GRM7: variants seen among roughly 807,000 people sequenced by gnomAD.
The protein encoded by GRM7 is metabotropic glutamate receptor 7.
GRM7 carries 35 observed loss-of-function variants against 84.5 expected under a neutral mutation model. The ratio of observed to expected loss-of-function variants is 0.41; its 90% CI spans 0.32 to 0.55. The LOEUF is 0.55. Ranked by LOEUF, GRM7 falls within the 20% of genes least tolerant of loss-of-function variation. The pLI, the probability that GRM7 is intolerant of heterozygous loss-of-function variation, is 0.19. For missense variants in GRM7, 1,003 were observed against 1,194.6 expected (o/e 0.84, Z 2.36); for synonymous variants, 487 against 455.1 (o/e 1.07, Z -0.89).
intron 2 of GRM7, among the ~76,000 whole-genome samples, chr3:7,193,929 A>G (rs188557743): frequency 9.9e-4 from 151 of 152,244 alleles, no homozygotes; most frequent in Middle Eastern, 6.8e-3. Flanking sequence ...AGAGCTGACA[A>G]CAGATATCTT....
chr3:7,019,400 TAC>T (rs1183152519), intron 1 of GRM7, among the ~76,000 whole-genome samples: 1 of 152,210 alleles, frequency 6.6e-6, no homozygotes, highest in African/African-American at 2.4e-5. Flanking sequence ...TATAGTCTCA[TAC>T]AGAGTATTTT....
At chr3:7,693,168 T>C (rs1215010173) in intron 9 of GRM7, among the ~76,000 whole-genome samples, 1 of 152,198 alleles carries the variant, frequency 6.6e-6, no homozygotes, top group Non-Finnish European at 1.5e-5. Context: ...TGACATCTAC[T>C]GGTCATCCTG....
rs79610369 is a variant in GRM7 at position 7,353,374 on chromosome 3, G to A, written c.1033+46722G>A. On this transcript the variant is annotated intron_variant, in intron 4 of 9. Transcript: ENST00000357716. ...GTGGAAGGAACAAAAGTTGGATCAG[G>A]CTAAATGTATTGATATGGGCCCACT... Among the ~76,000 whole-genome samples, 353 of 152,178 alleles carry A rather than the reference G, an allele frequency of 2.3e-3. 4 individuals are homozygous for A. Among genetic ancestry groups the A allele is most frequent in the African/African-American group, 8.1e-3 (337 of 41,536 alleles).
intron 1 of GRM7, among the ~76,000 whole-genome samples, chr3:6,907,365 A>G (rs539464933): frequency 6.6e-6 from 1 of 152,354 alleles, no homozygotes; most frequent in South Asian, 2.1e-4. Context: ...GGTTTGAAAA[A>G]GTACCGTGGA....
intron 4 of GRM7, among the ~76,000 whole-genome samples, chr3:7,385,761 A>G (rs1244320611): frequency 1.3e-5 from 2 of 152,236 alleles, no homozygotes; most frequent in Admixed American, 1.3e-4. Flanking sequence ...ATTGCAAGAC[A>G]TGAATAAAGA....
intron 5 of GRM7, among the ~76,000 whole-genome samples, chr3:7,449,980 A>G (rs1265130031): frequency 6.6e-6 from 1 of 152,136 alleles, no homozygotes; most frequent in Non-Finnish European, 1.5e-5. Context: ...AAATGAATAA[A>G]TTTTTATTTG....
chr3:7,272,647 T>C (rs543450511), intron 2 of GRM7, among the ~76,000 whole-genome samples: 30 of 152,286 alleles, frequency 2.0e-4, no homozygotes, highest in African/African-American at 6.0e-4. Context: ...GAGTTGTTCA[T>C]AGAATTTCTC....
rs1032514837 is a variant in GRM7 at position 7,131,993 on chromosome 3, A to T, written c.520-14459A>T. 3.3e-5 allele frequency among the ~76,000 whole-genome samples: 5 copies of T among 152,166 alleles called. 1 individual carries two copies. The highest frequency in any genetic ancestry group is 6.5e-5 in the Admixed American group (1 of 15,280). On this transcript the variant is annotated intron_variant, in intron 1 of 9. Coordinates refer to ENST00000357716, the MANE Select transcript of GRM7 (RefSeq NM_000844.4). ...AGGACACCTACTTCATTACTTTTTG[A>T]ATTTGCTTTTACCATTTCTCTTCAT...
intron 8 of GRM7, among the ~76,000 whole-genome samples, chr3:7,630,332 C>T (rs7615889): frequency 1.3e-3 from 203 of 152,230 alleles, no homozygotes; most frequent in African/African-American, 4.7e-3. Context: ...ACAAGCATGA[C>T]GAAAGAATCA....
chr3:7,339,350 C>A (rs1701548204), intron 4 of GRM7, among the ~76,000 whole-genome samples: 1 of 152,072 alleles, frequency 6.6e-6, no homozygotes, highest in East Asian at 1.9e-4. Flanking sequence ...TCAAGCCAGC[C>A]TAAGACATGG....
intron 9 of GRM7, among the ~76,000 whole-genome samples, chr3:7,729,869 C>CTTTTTTTT (rs1168461157): frequency 8.6e-5 from 6 of 69,960 alleles, no homozygotes; most frequent in Non-Finnish European, 1.2e-4. Flanking sequence ...CCACCTCCGG[C>CTTTTTTTT]TTTTTTTTTT....
chr3:7,116,816 T>C (rs1040289886), intron 1 of GRM7, among the ~76,000 whole-genome samples: 1 of 152,182 alleles, frequency 6.6e-6, no homozygotes, highest in African/African-American at 2.4e-5. Context: ...TCATATTTTT[T>C]AGTGTGTTTT....
At chr3:7,690,249 A>T (rs1700748362) in intron 9 of GRM7, among the ~76,000 whole-genome samples, 1 of 152,140 alleles carries the variant, frequency 6.6e-6, no homozygotes, top group South Asian at 2.1e-4. Flanking sequence ...TGTGCCTTTA[A>T]GTACAAAGGC....
chr3:7,491,412 G>GTGTATATA (rs1553605916), intron 7 of GRM7, among the ~76,000 whole-genome samples: 35 of 149,866 alleles, frequency 2.3e-4, no homozygotes, highest in African/African-American at 7.3e-4. Context: ...GATTTAGATG[G>GTGTATATA]TATATATATA....
chr3:7,649,004 G>A (rs140848431), intron 8 of GRM7, among the ~76,000 whole-genome samples: 94 of 152,180 alleles, frequency 6.2e-4, no homozygotes, highest in African/African-American at 2.0e-3. Flanking sequence ...CCTTAGCACT[G>A]TGTGTCTGCC....
chr3:6,976,387 C>A (rs1401302953), intron 1 of GRM7, among the ~76,000 whole-genome samples: 1 of 152,274 alleles, frequency 6.6e-6, no homozygotes, highest in Non-Finnish European at 1.5e-5. Flanking sequence ...AAATCAGACA[C>A]CCATGTGAAA....
At chr3:7,689,658 A>G (rs1280606557) in intron 9 of GRM7, among the ~76,000 whole-genome samples, 1 of 152,242 alleles carries the variant, frequency 6.6e-6, no homozygotes, top group African/African-American at 2.4e-5. Context: ...GAATGTTTAC[A>G]TGGCTACTAC....
intron 4 of GRM7, among the ~76,000 whole-genome samples, chr3:7,394,341 G>A (rs1334507510): frequency 6.6e-6 from 1 of 152,206 alleles, no homozygotes; most frequent in Non-Finnish European, 1.5e-5. Context: ...AGATTGCAGA[G>A]AAGTAAACAT....
intron 1 of GRM7, among the ~76,000 whole-genome samples, chr3:7,104,013 GCCCTAA>G (rs1699213783): frequency 6.6e-6 from 1 of 151,536 alleles, no homozygotes; most frequent in Admixed American, 6.6e-5. Flanking sequence ...ATATGTTGAA[GCCCTAA>G]ACCCCAATGT....
Sources: gnomAD v4.1 joint callset for allele counts (sites outside exome capture counted in the v4.1 genomes callset) on GRCh38, gnomAD v4.1.1 for gene constraint, MANE v1.5 for transcripts, NCBI Gene and HGNC (gene_info 2026-07-23, HGNC 2026-07-21) for gene names.